NBEA: variants seen among roughly 807,000 people sequenced by gnomAD.
NBEA encodes lysosomal-trafficking regulator 2.
NBEA carries 44 observed loss-of-function variants against 343.4 expected under a neutral mutation model. The ratio of observed to expected loss-of-function variants is 0.13; its 90% CI spans 0.10 to 0.16. The LOEUF (loss-of-function observed/expected upper bound fraction) is 0.16. Ranked by LOEUF, NBEA falls within the 10% of genes least tolerant of loss-of-function variation. The probability of loss-of-function intolerance (pLI) is 1.00; values close to 1 mark genes in which losing one functional copy is unlikely to be tolerated. For synonymous variants in NBEA, 1,175 were observed against 1,238.7 expected (o/e 0.95, Z 1.08); for missense variants, 2,555 against 3,631.3 (o/e 0.70, Z 7.62).
intron 10 of NBEA, among the ~76,000 whole-genome samples, chr13:35,078,739 C>T (rs1191197468): frequency 6.6e-6 from 1 of 152,130 alleles, no homozygotes; most frequent in Non-Finnish European, 1.5e-5. Flanking sequence ...AGGAAGGAAA[C>T]CCATATCCTG....
intron 48 of NBEA, among the ~76,000 whole-genome samples, chr13:35,620,927 T>C (rs2082959432): frequency 1.3e-5 from 2 of 152,060 alleles, no homozygotes; most frequent in South Asian, 4.2e-4. Flanking sequence ...GCAGCAGAGA[T>C]AGATAAATCC....
intron 36 of NBEA, among the ~76,000 whole-genome samples, chr13:35,310,740 T>G (rs927331285): frequency 1.1e-4 from 17 of 152,302 alleles, no homozygotes; most frequent in African/African-American, 4.1e-4. Flanking sequence ...ATATGATGAT[T>G]ATTTGGCATG....
intron 40 of NBEA, among the ~76,000 whole-genome samples, chr13:35,455,979 G>A (rs2046562693): frequency 6.6e-6 from 1 of 151,974 alleles, no homozygotes; most frequent in African/African-American, 2.4e-5. Flanking sequence ...GACATCTTCT[G>A]TTTATAACTC....
chr13:35,367,588 T>C (rs1295628646), intron 38 of NBEA, among the ~76,000 whole-genome samples: 1 of 151,140 alleles, frequency 6.6e-6, no homozygotes, highest in Non-Finnish European at 1.5e-5. Flanking sequence ...TCTTTTCTAT[T>C]ACCATTATTC....
intron 38 of NBEA, among the ~76,000 whole-genome samples, chr13:35,361,185 G>A (rs1462145948): frequency 6.6e-6 from 1 of 151,924 alleles, no homozygotes; most frequent in Non-Finnish European, 1.5e-5. Flanking sequence ...TTAAATGGAG[G>A]CCAGAAAAAT....
intron 41 of NBEA, among the ~76,000 whole-genome samples, chr13:35,539,283 T>A (rs956140133): frequency 2.0e-5 from 3 of 152,046 alleles, no homozygotes; most frequent in Non-Finnish European, 4.4e-5. Flanking sequence ...CCTAGCTTAA[T>A]CATTAGTAGA....
chr13:35,076,048 G>T (rs377176403), intron 10 of NBEA, among the ~76,000 whole-genome samples: 2 of 151,868 alleles, frequency 1.3e-5, no homozygotes, highest in South Asian at 2.1e-4. Context: ...ATTAAAATTA[G>T]TACCTGTTTA....
Position 35,606,443 on chromosome 13 carries a change from C to A in NBEA, c.7314C>A (p.Phe2438Leu). Residue 2438 changes from phenylalanine to leucine, a missense_variant, in exon 48 of 59, where the codon TTC (phenylalanine) becomes TTA (leucine). Physicochemically the swap from Phe to Leu is conservative, Grantham distance 22. Coordinates refer to ENST00000379939, the MANE Select transcript of NBEA (RefSeq NM_001385012.1). The part of the protein sequence containing the change: ...TSDVKELIPE[F>L]YYLPEMFVNS... ...CCTGATAGGAACTAATTCCAGAGTT[C>A]TACTACCTACCAGAGATGTTTGTCA... The A allele has an allele frequency of 6.5e-7, 1 of 1,537,948 alleles. No individual in the cohort carries two copies. Among genetic ancestry groups the A allele is most frequent in the South Asian group, 1.3e-5 (1 of 78,262 alleles).
intron 7 of NBEA, among the ~76,000 whole-genome samples, chr13:35,057,274 T>G (rs1412368347): frequency 6.6e-6 from 1 of 152,142 alleles, no homozygotes; most frequent in African/African-American, 2.4e-5. Context: ...TATCCTGTCT[T>G]GTATTCTTTT....
At chr13:35,136,863 G>C (rs2067760555) in intron 17 of NBEA, among the ~76,000 whole-genome samples, 1 of 152,096 alleles carries the variant, frequency 6.6e-6, no homozygotes, top group Non-Finnish European at 1.5e-5. Context: ...AACCACAAAT[G>C]GTAAAGACAA....
At chr13:35,451,123 T>TTTTG (rs952780860) in intron 39 of NBEA, among the ~76,000 whole-genome samples, 1 of 152,116 alleles carries the variant, frequency 6.6e-6, no homozygotes, top group African/African-American at 2.4e-5. Context: ...CTTTTTGTGT[T>TTTTG]TTTGTTTGTT....
chr13:35,057,855 A>G (rs2063325746), intron 7 of NBEA, among the ~76,000 whole-genome samples: 1 of 152,158 alleles, frequency 6.6e-6, no homozygotes, highest in African/African-American at 2.4e-5. Context: ...AAGTTCCCAT[A>G]CTTCTAATTA....
At chr13:35,082,537 G>T (rs2064472587) in intron 10 of NBEA, among the ~76,000 whole-genome samples, 1 of 152,216 alleles carries the variant, frequency 6.6e-6, no homozygotes, top group Non-Finnish European at 1.5e-5. Flanking sequence ...CCCACCAACA[G>T]TGTAAAAGTG....
chr13:35,315,651 T>G (rs2037664704), intron 36 of NBEA, among the ~76,000 whole-genome samples: 1 of 152,136 alleles, frequency 6.6e-6, no homozygotes, highest in African/African-American at 2.4e-5. Context: ...AGATAATATT[T>G]ATGTTTAGCA....
intron 1 of NBEA, among the ~76,000 whole-genome samples, chr13:35,007,057 T>C (rs2061342441): frequency 7.2e-6 from 1 of 138,528 alleles, no homozygotes; most frequent in Non-Finnish European, 1.5e-5. Flanking sequence ...TTTTTAGCAC[T>C]TTTCCTCTGA....
In NBEA at chr13:35,080,289, C is replaced by A. The variant is rs148316910; in HGVS notation, c.1571+9437C>A. On this transcript the variant is annotated intron_variant, in intron 10 of 58. Coordinates refer to ENST00000379939, the MANE Select transcript of NBEA (RefSeq NM_001385012.1). ...TCATTGAGGATCTCTCCCTTGGTGG[C>A]CTATGGGTGCCTATTAATGCATCCA... Among the ~76,000 whole-genome samples the A allele has an allele frequency of 4.6e-5, 7 of 152,200 alleles. No individual in the cohort carries two copies. In the East Asian group the frequency reaches 1.4e-3, roughly 29 times the overall value.
intron 38 of NBEA, among the ~76,000 whole-genome samples, chr13:35,428,453 G>A (rs1475006364): frequency 6.6e-6 from 1 of 152,068 alleles, no homozygotes; most frequent in Non-Finnish European, 1.5e-5. Flanking sequence ...CTATTATCCT[G>A]TCTTCCAATT....
intron 10 of NBEA, among the ~76,000 whole-genome samples, chr13:35,077,595 C>T (rs930183129): frequency 2.0e-5 from 3 of 152,140 alleles, no homozygotes; most frequent in African/African-American, 7.2e-5. Flanking sequence ...CATATTGCTA[C>T]TGCCTTAGTC....
chr13:35,313,041 T>C (rs1369981593), intron 36 of NBEA, among the ~76,000 whole-genome samples: 3 of 152,156 alleles, frequency 2.0e-5, no homozygotes, highest in African/African-American at 7.2e-5. Context: ...AGGATTCAGA[T>C]GTGATGCTCA....
Sources: gnomAD v4.1 joint callset for allele counts (sites outside exome capture counted in the v4.1 genomes callset) on GRCh38, gnomAD v4.1.1 for gene constraint, MANE v1.5 for transcripts, NCBI Gene and HGNC (gene_info 2026-07-23, HGNC 2026-07-21) for gene names.